Variants in DMD observed in about 807,000 individuals in gnomAD.
DMD encodes mutant dystrophin.
Under a neutral mutation model 330.1 loss-of-function variants are expected in DMD, and 63 were observed. The ratio of observed to expected loss-of-function variants is 0.19; its 90% CI spans 0.16 to 0.24. The LOEUF (loss-of-function observed/expected upper bound fraction) is 0.24, where lower values mean the gene tolerates loss of function less well. DMD is among the 10% of genes least tolerant of loss of function. The probability of loss-of-function intolerance (pLI) is 1.00; values close to 1 mark genes in which losing one functional copy is unlikely to be tolerated. For missense variants in DMD, 3,344 were observed against 2,684.1 expected (o/e 1.25, Z -5.43); for synonymous variants, 1,223 against 959.8 (o/e 1.27, Z -5.07).
At chrX:32,407,170 C>A (rs1269653341) in intron 30 of DMD, among the ~76,000 whole-genome samples, 1 of 111,241 alleles carries the variant, frequency 9.0e-6, no homozygotes, top group African/African-American at 3.3e-5. Context: ...AAAGAAACTA[C>A]CATCAGAGTG....
chrX:32,385,435 T>C (rs550368526), intron 33 of DMD, among the ~76,000 whole-genome samples: 3 of 110,924 alleles, frequency 2.7e-5, no homozygotes, highest in Middle Eastern at 4.2e-3. Flanking sequence ...CCTGAACCTA[T>C]AAAATGATTT....
intron 45 of DMD, among the ~76,000 whole-genome samples, chrX:31,951,147 A>ACG (rs2095166458): frequency 1.3e-5 from 1 of 74,493 alleles, no homozygotes; most frequent in African/African-American, 7.1e-5. Context: ...ATATGTGTAT[A>ACG]TATATATATA....
rs1395638836 is a variant in DMD at position 31,658,016 on chromosome X, A to G, written c.8001T>C (p.Asn2667=). The G allele has an allele frequency of 1.7e-6, 2 of 1,208,948 alleles. No homozygotes were observed. Among genetic ancestry groups the G allele is most frequent in the Admixed American group, 2.2e-5 (1 of 45,724 alleles). Residue 2667 remains asparagine (N), a synonymous_variant, in exon 54 of 79, where the codon AAT becomes AAC. Coordinates refer to ENST00000357033, the MANE Select transcript of DMD (RefSeq NM_004006.3). ...RKVHMITENI[N]ASWRSIHKRV... Reference sequence around the variant, plus strand: ...TTTTATGAATGCTTCTCCAAGAGGCATTGATATTCTCTGTTATCATGTGGA... The same window carrying G: ...TTTTATGAATGCTTCTCCAAGAGGCGTTGATATTCTCTGTTATCATGTGGA...
intron 43 of DMD, among the ~76,000 whole-genome samples, chrX:32,265,176 C>G (rs1286015311): frequency 8.9e-6 from 1 of 111,799 alleles, no homozygotes; most frequent in Non-Finnish European, 1.9e-5. Flanking sequence ...GGCCCAGAGC[C>G]CCCCTGCTAT....
chrX:32,808,095 T>A (rs2077088090), intron 7 of DMD, among the ~76,000 whole-genome samples: 1 of 111,640 alleles, frequency 9.0e-6, no homozygotes, highest in Non-Finnish European at 1.9e-5. Flanking sequence ...TACGAGTCAA[T>A]AGTAAAGTAA....
intron 26 of DMD, 57 bp downstream of exon 26, chrX:32,454,605 C>A (rs2098347872): frequency 2.0e-6 from 2 of 1,009,180 alleles, no homozygotes; most frequent in Non-Finnish European, 2.7e-6. Flanking sequence ...TGTTGCATTT[C>A]TTTCTTTTTC....
At chrX:31,806,516 C>G (rs1215406086) in intron 50 of DMD, among the ~76,000 whole-genome samples, 1 of 112,746 alleles carries the variant, frequency 8.9e-6, no homozygotes, top group Non-Finnish European at 1.9e-5. Context: ...CTAGGGTTCA[C>G]TAACTACAGT....
Position 32,519,720 on chromosome X carries a change from A to G in DMD, c.2169-1589T>C. 1.8e-5 allele frequency among the ~76,000 whole-genome samples: 2 copies of G among 112,187 alleles called. 1 individual carries two copies. The highest frequency in any genetic ancestry group is 9.1e-3 in the Middle Eastern group (2 of 219). On this transcript the variant is annotated intron_variant, in intron 17 of 78. Coordinates refer to ENST00000357033, the MANE Select transcript of DMD (RefSeq NM_004006.3). ...CCAGTTATATCACAACCTAATTACT[A>G]TCACAAACATATGACCTGATCTATT... is the stretch of plus-strand genomic sequence containing the variant.
At chrX:33,140,042 T>C (rs779356661) in intron 1 of DMD, among the ~76,000 whole-genome samples, 1 of 111,379 alleles carries the variant, frequency 9.0e-6, no homozygotes, top group South Asian at 3.8e-4. Flanking sequence ...ACAAGATCCT[T>C]ATATATCACA....
chrX:32,694,400 C>G (rs1296287591), intron 9 of DMD, among the ~76,000 whole-genome samples: 1 of 111,901 alleles, frequency 8.9e-6, no homozygotes, highest in Non-Finnish European at 1.9e-5. Context: ...CGTTCACTCC[C>G]AAACCTGTTC....
At chrX:31,819,729 G>A (rs1010680274) in intron 50 of DMD, among the ~76,000 whole-genome samples, 2 of 112,944 alleles carry the variant, frequency 1.8e-5, no homozygotes, top group African/African-American at 6.4e-5. Context: ...TCTCCCTTGT[G>A]CTCTTCTCTT....
At chrX:32,255,766 T>C (rs2097295887) in intron 43 of DMD, among the ~76,000 whole-genome samples, 1 of 112,197 alleles carries the variant, frequency 8.9e-6, no homozygotes, top group African/African-American at 3.2e-5. Flanking sequence ...CAGCTAAATC[T>C]ATCTCATCAC....
chrX:32,056,522 GA>G (rs781392892), intron 44 of DMD, among the ~76,000 whole-genome samples: 1 of 109,351 alleles, frequency 9.1e-6, no homozygotes, highest in East Asian at 2.9e-4. Flanking sequence ...TGTTAACCTA[GA>G]AAAAAATGAA....
At chrX:32,921,819 C>T (rs949329642) in intron 2 of DMD, among the ~76,000 whole-genome samples, 1 of 111,528 alleles carries the variant, frequency 9.0e-6, no homozygotes, top group Non-Finnish European at 1.9e-5. Flanking sequence ...ATTCATCCAA[C>T]CATTTATTTA....
intron 63 of DMD, among the ~76,000 whole-genome samples, chrX:31,253,646 T>C (rs1350891363): frequency 1.8e-5 from 2 of 111,923 alleles, no homozygotes; most frequent in African/African-American, 6.5e-5. Flanking sequence ...TATAATGATA[T>C]TGATGTATCT....
chrX:31,780,653 C>A (rs1020043860), intron 50 of DMD, among the ~76,000 whole-genome samples: 3 of 112,115 alleles, frequency 2.7e-5, no homozygotes, highest in African/African-American at 9.7e-5. Context: ...GAAATCATGT[C>A]TAGATTCTAA....
chrX:32,562,611 A>G (rs775991556), intron 16 of DMD, among the ~76,000 whole-genome samples: 46 of 112,387 alleles, frequency 4.1e-4, no homozygotes, highest in Admixed American at 7.5e-4. Context: ...CATTAATGAA[A>G]CTCATTTTTC....
intron 53 of DMD, among the ~76,000 whole-genome samples, chrX:31,678,497 A>T (rs2082203293): frequency 8.9e-6 from 1 of 112,247 alleles, no homozygotes; most frequent in Non-Finnish European, 1.9e-5. Context: ...CTGCTTGATA[A>T]AACATAGTTA....
chrX:33,294,225 A>G (rs537952143), intron 1 of DMD, among the ~76,000 whole-genome samples: 2 of 110,922 alleles, frequency 1.8e-5, no homozygotes, highest in East Asian at 5.7e-4. Flanking sequence ...TCCATTTGCT[A>G]TATGCTCTTA....
Sources: gnomAD v4.1 joint callset for allele counts (sites outside exome capture counted in the v4.1 genomes callset) on GRCh38, gnomAD v4.1.1 for gene constraint, MANE v1.5 for transcripts, NCBI Gene and HGNC (gene_info 2026-07-23, HGNC 2026-07-21) for gene names.